SLC6A15: variants seen among roughly 807,000 people sequenced by gnomAD.
SLC6A15 encodes the protein solute carrier family 6 member 15.
Under a neutral mutation model 68.5 loss-of-function variants are expected in SLC6A15, and 33 were observed. That is an observed-to-expected ratio of 0.48 (90% CI 0.37 to 0.64). The LOEUF is 0.64. Ranked by LOEUF, SLC6A15 falls within the 30% of genes least tolerant of loss-of-function variation. The pLI, the probability that SLC6A15 is intolerant of heterozygous loss-of-function variation, is 0.00. For synonymous variants in SLC6A15, 347 were observed against 301.0 expected (o/e 1.15, Z -1.58); for missense variants, 747 against 874.3 (o/e 0.85, Z 1.84).
chr12:84,885,321 T>C (rs1445615937), intron 4 of SLC6A15, 114 bp downstream of exon 4: 2 of 1,007,170 alleles, frequency 2.0e-6, no homozygotes, highest in African/African-American at 3.4e-5. Flanking sequence ...GTTATAATGA[T>C]AATTTTGAAT....
intron 9 of SLC6A15, 73 bp from the exon 10 acceptor site, chr12:84,867,266 T>A (rs1871104653): frequency 1.6e-6 from 2 of 1,260,904 alleles, no homozygotes; most frequent in South Asian, 1.9e-5. Flanking sequence ...TTATAAATTA[T>A]TATATTCAAA....
chr12:84,867,649 T>C (rs1204945644), intron 9 of SLC6A15: 2 of 152,218 alleles, frequency 1.3e-5, no homozygotes, highest in South Asian at 4.1e-4. Context: ...TATATTATTA[T>C]GAAATATACA....
chr12:84,877,133 T>C (rs1003855386), intron 5 of SLC6A15, among the ~76,000 whole-genome samples: 2 of 152,318 alleles, frequency 1.3e-5, no homozygotes, highest in South Asian at 2.1e-4. Context: ...GTTAAACAGT[T>C]CAGCAAATAT....
At chr12:84,903,059 T>C (rs1872959886) in intron 1 of SLC6A15, among the ~76,000 whole-genome samples, 2 of 152,094 alleles carry the variant, frequency 1.3e-5, no homozygotes, top group South Asian at 4.1e-4. Flanking sequence ...ATGTTAGTGG[T>C]GGGGAAGTCG....
intron 5 of SLC6A15, 39 bp from the exon 6 acceptor site, chr12:84,876,646 G>T: frequency 1.0e-6 from 1 of 989,306 alleles, no homozygotes; most frequent in Non-Finnish European, 1.5e-6. Context: ...GAGATACAAT[G>T]ACCATTTTTT....
intron 1 of SLC6A15, among the ~76,000 whole-genome samples, chr12:84,900,581 T>C (rs1230540533): frequency 1.3e-5 from 2 of 151,904 alleles, no homozygotes; most frequent in African/African-American, 4.8e-5. Flanking sequence ...AATTGGACAT[T>C]GTTTTCATAG....
intron 1 of SLC6A15, among the ~76,000 whole-genome samples, chr12:84,900,942 GTGTATAGATATGTATATATATA>G (rs1872837596): frequency 3.5e-5 from 5 of 144,278 alleles, no homozygotes; most frequent in African/African-American, 5.2e-5. Flanking sequence ...ATGTATATAT[GTGTATAGATATGTATATATATA>G]CATACATATA....
chr12:84,909,208 C>A (rs984207710), intron 1 of SLC6A15, among the ~76,000 whole-genome samples: 1 of 152,048 alleles, frequency 6.6e-6, no homozygotes, highest in Admixed American at 6.6e-5. Context: ...TGATCTTTGC[C>A]AATCTGATAG....
intron 5 of SLC6A15, chr12:84,881,565 C>G: frequency 9.1e-6 from 9 of 985,404 alleles, no homozygotes; most frequent in Non-Finnish European, 1.1e-5. Flanking sequence ...TCATACCCCT[C>G]TTTTAATTCA....
intron 6 of SLC6A15, among the ~76,000 whole-genome samples, chr12:84,873,802 C>A (rs1480093464): frequency 1.3e-5 from 2 of 152,116 alleles, no homozygotes; most frequent in East Asian, 1.9e-4. Context: ...CAGAGTTGAA[C>A]TATTTGTACT....
chr12:84,888,232 CCA>C (rs1398540056), intron 2 of SLC6A15, among the ~76,000 whole-genome samples: 2 of 137,180 alleles, frequency 1.5e-5, no homozygotes, highest in African/African-American at 5.6e-5. Flanking sequence ...CCACTGCACT[CCA>C]GTCTCGGTGA....
chr12:84,875,134 G>A (rs949146588), intron 6 of SLC6A15, among the ~76,000 whole-genome samples: 1 of 152,098 alleles, frequency 6.6e-6, no homozygotes, highest in African/African-American at 2.4e-5. Context: ...TGTCAGTTTA[G>A]AAAGAGAATA....
Position 84,870,667 on chromosome 12 carries a change from C to T in SLC6A15, c.1306G>A (p.Val436Ile), listed in dbSNP as rs1468353738. Reference protein sequence around the residue: ...CKIEEELNKAVQGTGLAFIAF... With the variant: ...CKIEEELNKAIQGTGLAFIAF... Reference sequence around the variant, plus strand: ...ATAAAAGCTAAGCCGGTCCCCTGAACAGCCTGCAAAATACACAAAATAGCA... The same window carrying T: ...ATAAAAGCTAAGCCGGTCCCCTGAATAGCCTGCAAAATACACAAAATAGCA... Residue 436 changes from valine to isoleucine, a missense_variant, in exon 9 of 12, where the codon GTT becomes ATT. Coordinates refer to ENST00000266682, the MANE Select transcript of SLC6A15 (RefSeq NM_182767.6). The T allele has an allele frequency of 1.2e-6, 2 of 1,605,734 alleles. No individual in the cohort carries two copies. The highest frequency in any genetic ancestry group is 1.7e-6 in the Non-Finnish European group (2 of 1,175,568).
chr12:84,893,298 AGG>A (rs1872501121), intron 1 of SLC6A15, among the ~76,000 whole-genome samples: 1 of 152,230 alleles, frequency 6.6e-6, no homozygotes, highest in Non-Finnish European at 1.5e-5. Context: ...AAATGGAGTG[AGG>A]TCATACCCAA....
intron 8 of SLC6A15, 66 bp downstream of exon 8, chr12:84,872,536 T>G (rs555841679): frequency 3.7e-6 from 5 of 1,336,630 alleles, no homozygotes; most frequent in Non-Finnish European, 5.1e-6. Context: ...CTGAAGGGAG[T>G]CTGCTGGATA....
chr12:84,893,099 A>G (rs1463266), intron 1 of SLC6A15, among the ~76,000 whole-genome samples: 4,059 of 152,282 alleles, frequency 0.027, 196 homozygotes, highest in African/African-American at 0.093. Flanking sequence ...AACCCATTTG[A>G]TATTTATTGT....
chr12:84,909,662 T>C (rs549129874), intron 1 of SLC6A15, among the ~76,000 whole-genome samples: 1 of 152,282 alleles, frequency 6.6e-6, no homozygotes, highest in Non-Finnish European at 1.5e-5. Flanking sequence ...CATAAGAATA[T>C]ACTAATATAT....
rs185205849 is a variant in SLC6A15, at chr12:84,895,537, C to T, written c.-188-3229G>A. 4.6e-5 allele frequency among the ~76,000 whole-genome samples: 7 copies of T among 151,318 alleles called. No individual in the cohort carries two copies. In the East Asian group the frequency reaches 9.8e-4, roughly 21 times the overall value. On this transcript the variant is annotated intron_variant, in intron 1 of 11. Transcript: ENST00000266682. ...CTAATTTTTGTATTTTTAGTAGAGA[C>T]GAGGTTTCACCTTCTTGGTCAGGCT...
chr12:84,903,805 C>G (rs1873001862), intron 1 of SLC6A15, among the ~76,000 whole-genome samples: 1 of 152,078 alleles, frequency 6.6e-6, no homozygotes, highest in Non-Finnish European at 1.5e-5. Context: ...TCTGCAAAGA[C>G]TTTTCTTCCA....
Sources: allele counts gnomAD v4.1 joint callset (sites outside exome capture counted in the v4.1 genomes callset), GRCh38; gene constraint gnomAD v4.1.1; transcripts MANE v1.5; gene names NCBI Gene and HGNC (gene_info 2026-07-23, HGNC 2026-07-21).